PALMD: variants seen among roughly 807,000 people sequenced by gnomAD.
The protein encoded by PALMD is paralemmin-like protein.
Under a neutral mutation model 56.2 loss-of-function variants are expected in PALMD, and 42 were observed. The ratio of observed to expected loss-of-function variants is 0.75; its 90% CI spans 0.58 to 0.97. The LOEUF (loss-of-function observed/expected upper bound fraction) is 0.97. Among genes scored for constraint, PALMD ranks in the 50% least tolerant of loss-of-function variants. The probability of loss-of-function intolerance (pLI) is 0.00; values close to 1 mark genes in which losing one functional copy is unlikely to be tolerated. For synonymous variants in PALMD, 242 were observed against 222.9 expected (o/e 1.09, Z -0.76); for missense variants, 660 against 643.8 (o/e 1.03, Z -0.27).
chr1:99,689,436 G>A lies in PALMD; in HGVS notation c.1176G>A (p.Glu392=), dbSNP rs1410120484. 1.2e-6 allele frequency: 2 copies of A among 1,613,702 alleles called. No homozygotes were observed. Among genetic ancestry groups the A allele is most frequent in the South Asian group, 2.2e-5 (2 of 91,072 alleles). The change falls in exon 7 of 8, where the codon GAG becomes GAA. Residue 392 remains glutamate (E), a synonymous_variant. Coordinates refer to ENST00000263174, the MANE Select transcript of PALMD (RefSeq NM_017734.5). The part of the protein sequence containing the change: ...QNSSPTCQED[E]EDVRYNIVHS... Reference sequence around the variant, plus strand: ...CTTCACCCACTTGTCAGGAGGACGAGGAAGATGTCAGATATAATATCGTTC... The same window carrying A: ...CTTCACCCACTTGTCAGGAGGACGAAGAAGATGTCAGATATAATATCGTTC...
At chr1:99,688,499 T>G (rs3737899) in intron 6 of PALMD, among the ~76,000 whole-genome samples, 84,697 of 151,894 alleles carry the variant, frequency 0.56, 24,084 homozygotes, top group Non-Finnish European at 0.61. Flanking sequence ...AATTCTTTCC[T>G]ATTTGGAACC....
At chr1:99,692,420 C>G (rs141908358) in intron 7 of PALMD, among the ~76,000 whole-genome samples, 1 of 152,218 alleles carries the variant, frequency 6.6e-6, no homozygotes, top group Non-Finnish European at 1.5e-5. Flanking sequence ...AGGGATCAGA[C>G]AGGAGCAGAA....
At chr1:99,678,883 A>G (rs1486970958) in intron 3 of PALMD, among the ~76,000 whole-genome samples, 2 of 151,974 alleles carry the variant, frequency 1.3e-5, no homozygotes, top group African/African-American at 4.8e-5. Flanking sequence ...CCCAGCTTTT[A>G]GGGAGGCCAA....
chr1:99,691,981 C>CA (rs1463785653), intron 7 of PALMD, among the ~76,000 whole-genome samples: 6 of 152,022 alleles, frequency 3.9e-5, no homozygotes, highest in Non-Finnish European at 7.4e-5. Context: ...TTTTTTTAGT[C>CA]AAAATTTTGA....
At chr1:99,688,704 A>G in intron 6 of PALMD, 71 bp from the exon 7 acceptor site, 1 of 964,418 alleles carries the variant, frequency 1.0e-6, no homozygotes, top group Non-Finnish European at 1.6e-6. Flanking sequence ...ATAAAAATAA[A>G]CACAGTGAAA....
chr1:99,669,138 A>G (rs571052927), intron 3 of PALMD: 4 of 152,352 alleles, frequency 2.6e-5, no homozygotes, highest in African/African-American at 9.6e-5. Flanking sequence ...CAACATGAAG[A>G]AAGTCTTCCT....
At chr1:99,660,475 G>A (rs865794899) in intron 1 of PALMD, among the ~76,000 whole-genome samples, 1 of 152,118 alleles carries the variant, frequency 6.6e-6, no homozygotes, top group South Asian at 2.1e-4. Flanking sequence ...TTGCCAAAAT[G>A]TTTGGCACAA....
intron 1 of PALMD, among the ~76,000 whole-genome samples, chr1:99,649,375 A>C (rs920154580): frequency 6.6e-6 from 1 of 152,232 alleles, no homozygotes; most frequent in Non-Finnish European, 1.5e-5. Context: ...AAGGTGAGCT[A>C]ATTGGAATTC....
intron 3 of PALMD, chr1:99,668,047 T>G: frequency 3.4e-6 from 1 of 294,528 alleles, no homozygotes; most frequent in Non-Finnish European, 6.5e-6. Flanking sequence ...GCTTGGCTAA[T>G]TTTTGTATTT....
intron 2 of PALMD, among the ~76,000 whole-genome samples, chr1:99,666,066 T>A (rs1393621044): frequency 6.6e-6 from 1 of 152,142 alleles, no homozygotes; most frequent in African/African-American, 2.4e-5. Flanking sequence ...AATGTGATGA[T>A]CTGGGGTGAA....
At chr1:99,658,395 C>T (rs1486020612) in intron 1 of PALMD, among the ~76,000 whole-genome samples, 11 of 151,860 alleles carry the variant, frequency 7.2e-5, no homozygotes, top group Non-Finnish European at 1.5e-4. Flanking sequence ...TTTCTTTAGC[C>T]AAGGTAGGAG....
chr1:99,681,789 T>C (rs984586378), intron 3 of PALMD, among the ~76,000 whole-genome samples: 1 of 152,178 alleles, frequency 6.6e-6, no homozygotes, highest in Non-Finnish European at 1.5e-5. Flanking sequence ...CGCCAAGTTA[T>C]GAGAAGCAAA....
rs1275000344 is a variant in PALMD, at chr1:99,683,036, GAAA to G, written c.252-3639_252-3637del. ...AGAAAGAAGGAAAGAAAGAAAGAAA[GAAA>G]GAAAGAAAGAAAGAAAGAGAGAGAG... is the stretch of plus-strand genomic sequence containing the variant. On this transcript the variant is annotated intron_variant, in intron 3 of 7. Coordinates refer to ENST00000263174, the MANE Select transcript of PALMD (RefSeq NM_017734.5). Among the ~76,000 whole-genome samples, 41 of 12,532 alleles carry G rather than the reference GAAA, an allele frequency of 3.3e-3. 2 individuals are homozygous for G. The highest frequency in any genetic ancestry group is 5.2e-3 in the South Asian group (2 of 388). 8.2% of individuals were successfully genotyped at this position (12,532 alleles called of 152,430 possible).
Position 99,687,071 on chromosome 1 carries a change from TAC to T in PALMD, c.401-3_401-2del, listed in dbSNP as rs1487688268. The T allele has an allele frequency of 1.5e-5, 24 of 1,577,236 alleles. No homozygotes were observed. Among genetic ancestry groups the T allele is most frequent in the Non-Finnish European group, 1.9e-5 (22 of 1,154,088 alleles). On this transcript the variant is annotated splice_polypyrimidine_tract_variant and splice_region_variant and intron_variant, in intron 5 of 7. Transcript: ENST00000263174. ...ATGTATTTTGAATTCATATTAATTT[TAC>T]AGAGTCAATTGAGGACATCTATGCT...
Position 99,694,146 on chromosome 1 carries a change from T to C in PALMD, c.*84T>C. On this transcript the variant is annotated 3_prime_UTR_variant, in exon 8 of 8. Coordinates refer to ENST00000263174, the MANE Select transcript of PALMD (RefSeq NM_017734.5). ...TTCTCTTCTGGATATTTTGTTTATT[T>C]TTTCTGAAGTCCAAAAAATTATCAT... 1 of 937,676 alleles carries C rather than the reference T, an allele frequency of 1.1e-6. No homozygotes were observed. Among genetic ancestry groups the C allele is most frequent in the Non-Finnish European group, 1.6e-6 (1 of 606,410 alleles). 58.1% of individuals were successfully genotyped at this position (937,676 alleles called of 1,614,324 possible).
At chr1:99,669,328 GC>G (rs1653035423) in intron 3 of PALMD, 1 of 152,130 alleles carries the variant, frequency 6.6e-6, no homozygotes, top group Non-Finnish European at 1.5e-5. Context: ...GATTTGAAGT[GC>G]TTCTAAATAG....
chr1:99,682,057 C>T (rs976616347), intron 3 of PALMD, among the ~76,000 whole-genome samples: 3 of 152,144 alleles, frequency 2.0e-5, no homozygotes, highest in African/African-American at 4.8e-5. Context: ...CATCCAGTTC[C>T]TTACTCTCAG....
chr1:99,678,007 A>G, intron 3 of PALMD, among the ~76,000 whole-genome samples: 1 of 152,184 alleles, frequency 6.6e-6, no homozygotes, highest in East Asian at 1.9e-4. Flanking sequence ...TTGCAGATCA[A>G]ACACCCAAAT....
chr1:99,670,666 A>C (rs1653064398), intron 3 of PALMD, among the ~76,000 whole-genome samples: 2 of 152,254 alleles, frequency 1.3e-5, no homozygotes, highest in Non-Finnish European at 2.9e-5. Context: ...TGCAAAAAAA[A>C]ATAGTAAAGA....
Sources: allele counts gnomAD v4.1 joint callset (sites outside exome capture counted in the v4.1 genomes callset), GRCh38; gene constraint gnomAD v4.1.1; transcripts MANE v1.5; gene names NCBI Gene and HGNC (gene_info 2026-07-23, HGNC 2026-07-21).